The following SLC9D1 variants were observed in gnomAD, a reference collection of about 807,000 sequenced individuals.
SLC9D1 encodes the protein putative LAG1-interacting protein.
the SLC9D1 span, chr13:113,505,204 G>T: frequency 6.6e-6 from 1 of 151,996 alleles, no homozygotes; most frequent in Non-Finnish European, 1.5e-5. Flanking sequence ...CTGGATATTA[G>T]TCCTTTGTCG....
the SLC9D1 span, among the ~76,000 whole-genome samples, chr13:113,502,462 C>T: frequency 6.6e-6 from 1 of 152,130 alleles, no homozygotes; most frequent in Non-Finnish European, 1.5e-5. Context: ...ATCCGCCCGC[C>T]TCGGCCTCCA....
At chr13:113,549,588 C>T in the SLC9D1 span, 6 of 1,611,252 alleles carry the variant, frequency 3.7e-6, no homozygotes, top group South Asian at 1.1e-5. Flanking sequence ...GGGGAGTGAG[C>T]GCTTAGATGG....
chr13:113,525,937 G>T, the SLC9D1 span, among the ~76,000 whole-genome samples: 2 of 151,986 alleles, frequency 1.3e-5, no homozygotes, highest in Non-Finnish European at 1.5e-5. Flanking sequence ...ACAGCTCTGT[G>T]CCGGTTATTC....
chr13:113,494,798 C>T, the SLC9D1 span, among the ~76,000 whole-genome samples: 2 of 152,076 alleles, frequency 1.3e-5, no homozygotes, highest in Non-Finnish European at 1.5e-5. Context: ...TCTGGAGTGA[C>T]GTTGAGCATG....
At chr13:113,521,758 A>G in the SLC9D1 span, among the ~76,000 whole-genome samples, 1 of 152,220 alleles carries the variant, frequency 6.6e-6, no homozygotes, top group Non-Finnish European at 1.5e-5. Flanking sequence ...ATATACAAAT[A>G]CATTCCAAGA....
the SLC9D1 span, among the ~76,000 whole-genome samples, chr13:113,518,014 T>C: frequency 6.6e-6 from 1 of 152,240 alleles, no homozygotes; most frequent in Non-Finnish European, 1.5e-5. Flanking sequence ...GAGCATTTGA[T>C]ATACTCCTTG....
At chr13:113,502,046 A>G in the SLC9D1 span, among the ~76,000 whole-genome samples, 1 of 152,232 alleles carries the variant, frequency 6.6e-6, no homozygotes, top group South Asian at 2.1e-4. Context: ...ACCCTCAGGA[A>G]GTCGCTGTGC....
At chr13:113,498,249 G>A in the SLC9D1 span, 4 of 955,448 alleles carry the variant, frequency 4.2e-6, no homozygotes, top group Non-Finnish European at 6.0e-6. Flanking sequence ...ATATGAACAG[G>A]GACATTTGAC....
the SLC9D1 span, chr13:113,510,312 T>A: frequency 1.2e-6 from 2 of 1,614,204 alleles, no homozygotes; most frequent in Non-Finnish European, 1.7e-6. Context: ...TGTGGGGGCA[T>A]CTCTTGCGGA....
At chr13:113,495,568 T>A in the SLC9D1 span, 1 of 1,525,444 alleles carries the variant, frequency 6.6e-7, no homozygotes, top group African/African-American at 1.4e-5. Context: ...TGCCCTGCCC[T>A]CCGGACCTGG....
chr13:113,498,685 A>T, the SLC9D1 span: 2 of 557,644 alleles, frequency 3.6e-6, no homozygotes, highest in Middle Eastern at 3.7e-4. Flanking sequence ...TTGTAGAAGT[A>T]AGCTAATTAT....
At chr13:113,497,162 A>T in the SLC9D1 span, among the ~76,000 whole-genome samples, 1 of 149,834 alleles carries the variant, frequency 6.7e-6, no homozygotes, top group Admixed American at 6.6e-5. Flanking sequence ...TCAAACCTGC[A>T]TCTCTGTGAT....
At chr13:113,504,585 C>G in the SLC9D1 span, 1 of 152,054 alleles carries the variant, frequency 6.6e-6, no homozygotes, top group Non-Finnish European at 1.5e-5. Context: ...GATCATACGA[C>G]GTTTGATTTT....
At chr13:113,509,108 T>TG in the SLC9D1 span, among the ~76,000 whole-genome samples, 1 of 123,714 alleles carries the variant, frequency 8.1e-6, no homozygotes, top group Admixed American at 7.9e-5. Flanking sequence ...CTGTGTATGT[T>TG]GGGGCTGGTG....
chr13:113,495,697 G>A, the SLC9D1 span: 50 of 1,612,808 alleles, frequency 3.1e-5, no homozygotes, highest in Middle Eastern at 3.3e-4. Context: ...CACCGCGGGC[G>A]AGGGGTGGCT....
At chr13:113,537,989 TGTG>T in the SLC9D1 span, among the ~76,000 whole-genome samples, 5 of 128,618 alleles carry the variant, frequency 3.9e-5, no homozygotes, top group South Asian at 4.7e-4. Flanking sequence ...ATGTATGCTT[TGTG>T]GTGTGTGTAC....
the SLC9D1 span, among the ~76,000 whole-genome samples, chr13:113,544,698 G>A: frequency 6.6e-6 from 1 of 152,242 alleles, no homozygotes; most frequent in Non-Finnish European, 1.5e-5. Context: ...CACAGATGGT[G>A]CCTCCTGGCT....
At chr13:113,543,704 C>T in the SLC9D1 span, among the ~76,000 whole-genome samples, 1 of 149,944 alleles carries the variant, frequency 6.7e-6, no homozygotes, top group Admixed American at 6.6e-5. Context: ...GGCGTGTGAC[C>T]TGGTGTCTTG....
the SLC9D1 span, among the ~76,000 whole-genome samples, chr13:113,522,694 G>A: frequency 1.4e-4 from 22 of 151,938 alleles, no homozygotes; most frequent in East Asian, 1.2e-3. Flanking sequence ...ATGCAGTGTC[G>A]TGATCTCGGC....
Sources: allele counts gnomAD v4.1 joint callset (sites outside exome capture counted in the v4.1 genomes callset), GRCh38; gene constraint gnomAD v4.1.1; transcripts MANE v1.5; gene names NCBI Gene and HGNC (gene_info 2026-07-23, HGNC 2026-07-21).